Variants in PCM1 observed in about 807,000 individuals in gnomAD.
The protein encoded by PCM1 is pericentriolar material 1 protein.
PCM1 carries 157 observed loss-of-function variants against 241.9 expected under a neutral mutation model. The observed-to-expected ratio is 0.65, with a 90% confidence interval of 0.57 to 0.74. The LOEUF is 0.74. Among genes scored for constraint, PCM1 ranks in the 30% least tolerant of loss-of-function variants. The probability of loss-of-function intolerance (pLI) is 0.00; values close to 1 mark genes in which losing one functional copy is unlikely to be tolerated. For missense variants in PCM1, 3,478 were observed against 2,360.1 expected, an observed-to-expected ratio of 1.47 and a Z score of -9.81; for synonymous variants, 1,085 against 784.9, an observed-to-expected ratio of 1.38 and a Z score of -6.39.
At chr8:18,001,303 T>G (rs972419430) in intron 29 of PCM1, among the ~76,000 whole-genome samples, 2 of 152,260 alleles carry the variant, frequency 1.3e-5, no homozygotes, top group African/African-American at 4.8e-5. Flanking sequence ...CAAACACTTA[T>G]TGAATGATTG....
chr8:17,972,350 G>A lies in PCM1; in HGVS notation c.3606G>A (p.Glu1202=), dbSNP rs771742972. The A allele has an allele frequency of 5.9e-6, 9 of 1,514,454 alleles. No homozygotes were observed. The highest frequency in any genetic ancestry group is 1.8e-4 in the Middle Eastern group (1 of 5,644). The allele number at this position is 1,514,454 out of a possible 1,614,324, so 93.8% of individuals were successfully genotyped here. Residue 1202 remains glutamate, a synonymous_variant, in exon 23 of 39, where the codon GAG becomes GAA. Coordinates refer to ENST00000325083, the MANE Select transcript of PCM1 (RefSeq NM_006197.4). ...TAAGGAATAAAAAACTGCCTGAAGAGGAGGTGGAAAGCAGTAGGACACCAT... is the reference window on the plus strand; with the variant it reads ...TAAGGAATAAAAAACTGCCTGAAGAAGAGGTGGAAAGCAGTAGGACACCAT... ...EKPRNKKLPE[E]EVESSRTPWL...
chr8:17,935,921 G>C (rs965161613), intron 3 of PCM1, among the ~76,000 whole-genome samples: 1 of 152,116 alleles, frequency 6.6e-6, no homozygotes, highest in Non-Finnish European at 1.5e-5. Context: ...AGATGTAAAA[G>C]TGTTTTTTTT....
chr8:17,973,019 A>T (rs1286166184), intron 23 of PCM1, among the ~76,000 whole-genome samples: 1 of 151,888 alleles, frequency 6.6e-6, no homozygotes, highest in Non-Finnish European at 1.5e-5. Context: ...CCTGCATCCA[A>T]CTCTTTGGTC....
intron 24 of PCM1, chr8:17,983,302 G>T (rs1295412649): frequency 1.5e-6 from 2 of 1,316,976 alleles, no homozygotes; most frequent in Non-Finnish European, 2.0e-6. Context: ...AACAATCTGC[G>T]TAGTTTTGGT....
chr8:17,963,242 A>G lies in PCM1; in HGVS notation c.2605A>G (p.Ser869Gly), dbSNP rs1181105204. 3.1e-6 allele frequency: 5 copies of G among 1,613,466 alleles called. No homozygotes were observed. The highest frequency in any genetic ancestry group is 4.2e-6 in the Non-Finnish European group (5 of 1,179,742). ...ATCTCCAGTGGCTGTGTCATTGAGA[A>G]GTGATGGATCTGAGAACCTATGTAC... ...TASPVAVSLR[S>G]DGSENLCTPQ... Residue 869 changes from serine (S) to glycine (G), a missense_variant, in exon 17 of 39, where the codon AGT becomes GGT. Ser to Gly is a moderately conservative substitution (Grantham distance 56). Transcript: ENST00000325083.
At chr8:17,984,942 GTA>G (rs2129476690) in intron 24 of PCM1, among the ~76,000 whole-genome samples, 1 of 151,998 alleles carries the variant, frequency 6.6e-6, no homozygotes, top group East Asian at 1.9e-4. Context: ...TCTGTGTGAT[GTA>G]TGAGATTTGA....
chr8:17,959,044 TTAA>T (rs969734608), intron 13 of PCM1, among the ~76,000 whole-genome samples: 66 of 152,274 alleles, frequency 4.3e-4, no homozygotes, highest in African/African-American at 1.6e-3. Context: ...TTTACCTCCA[TTAA>T]TAATCCTATT....
At chr8:17,960,542 T>A in intron 15 of PCM1, 98 bp downstream of exon 15, 1 of 942,520 alleles carries the variant, frequency 1.1e-6, no homozygotes, top group South Asian at 1.8e-5. Context: ...TCTTTTTTTT[T>A]GAGGCAGAGT....
chr8:17,971,303 A>G (rs1379940645), intron 22 of PCM1, among the ~76,000 whole-genome samples: 1 of 152,182 alleles, frequency 6.6e-6, no homozygotes, highest in Non-Finnish European at 1.5e-5. Context: ...CTCCCAGACT[A>G]TTAGGAGCAG....
chr8:17,954,638 C>G (rs77652414), intron 9 of PCM1, among the ~76,000 whole-genome samples: 2 of 152,190 alleles, frequency 1.3e-5, no homozygotes, highest in East Asian at 1.9e-4. Context: ...AAACCACCTA[C>G]AGGAATTGTG....
intron 24 of PCM1, among the ~76,000 whole-genome samples, chr8:17,981,174 C>G (rs1255546117): frequency 6.6e-6 from 1 of 152,196 alleles, no homozygotes; most frequent in African/African-American, 2.4e-5. Flanking sequence ...AGACTCATTT[C>G]TCAACACACT....
rs755343920 is a variant in PCM1, at chr8:18,006,370, T to C, written c.4935T>C (p.Phe1645=). 1.9e-6 allele frequency: 3 copies of C among 1,612,750 alleles called. No homozygotes were observed. The highest frequency in any genetic ancestry group is 2.2e-5 in the South Asian group (2 of 91,054). The change falls in exon 30 of 39, where the codon TTT becomes TTC. Residue 1645 remains phenylalanine, a synonymous_variant. Transcript: ENST00000325083. ...NDESKEFVKF[F]HKQLGSILQD... The stretch of plus-strand genomic sequence containing the variant: ...AGAGCAAAGAGTTTGTAAAGTTCTT[T>C]CATAAACAACTTGGAAGTATATTAC...
At chr8:17,925,478 C>T (rs1327969893) in intron 2 of PCM1, 5 of 152,116 alleles carry the variant, frequency 3.3e-5, no homozygotes, top group Non-Finnish European at 7.4e-5. Context: ...AGAAAAAAAC[C>T]TCAGAAATAA....
chr8:17,957,218 C>CT (rs1427228509), intron 11 of PCM1, 46 bp from the exon 12 acceptor site: 4 of 1,487,112 alleles, frequency 2.7e-6, no homozygotes, highest in East Asian at 2.3e-5. Flanking sequence ...TTCTTTCTCT[C>CT]TTTTTTTGTG....
chr8:17,943,317 A>G (rs1459191878), intron 6 of PCM1, among the ~76,000 whole-genome samples: 2 of 151,696 alleles, frequency 1.3e-5, no homozygotes, highest in Non-Finnish European at 2.9e-5. Flanking sequence ...TGGGAATCTT[A>G]TTATATCAAA....
chr8:18,011,284 G>T lies in PCM1; in HGVS notation c.5268G>T (p.Val1756=). Residue 1756 remains valine (V), a synonymous_variant, in exon 33 of 39, where the codon GTG becomes GTT. Coordinates refer to ENST00000325083, the MANE Select transcript of PCM1 (RefSeq NM_006197.4). ...ETVKQTQTSE[V]YDGPKNVRSD... ...TTAAGCAGACTCAAACATCTGAGGT[G>T]TATGATGGTCCCAAAAATGTAAGAT... is the stretch of plus-strand genomic sequence containing the variant. 1 of 1,606,868 alleles carries T rather than the reference G, an allele frequency of 6.2e-7. No homozygotes were observed. Among genetic ancestry groups the T allele is most frequent in the East Asian group, 2.2e-5 (1 of 44,690 alleles).
chr8:17,977,360 T>G (rs2079131101), intron 23 of PCM1, among the ~76,000 whole-genome samples: 1 of 152,218 alleles, frequency 6.6e-6, no homozygotes. Context: ...GTTGAGATGA[T>G]GAAGTCTTAC....
chr8:17,973,717 G>GAA (rs756070246), intron 23 of PCM1, among the ~76,000 whole-genome samples: 20 of 112,568 alleles, frequency 1.8e-4, no homozygotes, highest in Non-Finnish European at 2.7e-4. Flanking sequence ...GTCTCTGTCA[G>GAA]AAAAAAAAAA....
chr8:17,940,077 A>G, intron 6 of PCM1: 1 of 1,580,904 alleles, frequency 6.3e-7, no homozygotes, highest in Non-Finnish European at 8.5e-7. Context: ...TTCGGACTAT[A>G]GATTCAGCTG....
Sources: gnomAD v4.1 joint callset for allele counts (sites outside exome capture counted in the v4.1 genomes callset) on GRCh38, gnomAD v4.1.1 for gene constraint, MANE v1.5 for transcripts, NCBI Gene and HGNC (gene_info 2026-07-23, HGNC 2026-07-21) for gene names.